Variants in SC5D observed in about 807,000 individuals in gnomAD.
SC5D encodes lathosterol oxidase.
In SC5D, 21 loss-of-function variants were observed where a neutral mutation model predicts 23.9. That is an observed-to-expected ratio of 0.88 (90% CI 0.62 to 1.26). The LOEUF (loss-of-function observed/expected upper bound fraction) is 1.26, where lower values mean the gene tolerates loss of function less well. Ranked by LOEUF, SC5D falls within the 50% of genes most tolerant of loss-of-function variation. The pLI, the probability that SC5D is intolerant of heterozygous loss-of-function variation, is 0.00. For synonymous variants in SC5D, 113 were observed against 125.9 expected, an observed-to-expected ratio of 0.90 and a Z score of 0.68; for missense variants, 309 against 364.8, an observed-to-expected ratio of 0.85 and a Z score of 1.25.
Position 121,303,527 on chromosome 11 carries a change from C to T in SC5D, c.152C>T (p.Thr51Ile), listed in dbSNP as rs1947940804. Residue 51 changes from threonine to isoleucine, a missense_variant, in exon 2 of 5, where the codon ACA becomes ATA. By Grantham distance (89) the Thr-to-Ile change is moderately conservative (BLOSUM62 -1). Transcript: ENST00000264027. The stretch of plus-strand genomic sequence containing the variant: ...TACATCCTTTATTTCTTCTGTGCAA[C>T]ACTGAGCTATTATTTTGTCTTCGAT... ...GAYILYFFCA[T>I]LSYYFVFDHA... 1.9e-6 allele frequency: 3 copies of T among 1,613,864 alleles called. No homozygotes were observed. In the South Asian group the frequency reaches 3.3e-5, roughly 18 times the overall value.
intron 1 of SC5D, among the ~76,000 whole-genome samples, chr11:121,300,680 A>G (rs1243443898): frequency 6.6e-6 from 1 of 152,210 alleles, no homozygotes; most frequent in Non-Finnish European, 1.5e-5. Context: ...ATCTAGAATG[A>G]TTCCCATGAG....
intron 3 of SC5D, 22 bp downstream of exon 3, chr11:121,304,515 C>A: frequency 6.2e-7 from 1 of 1,610,152 alleles, no homozygotes; most frequent in South Asian, 1.1e-5. Flanking sequence ...ACACGAGTGT[C>A]AGGAAGAGAG....
chr11:121,302,387 A>G (rs956775746), intron 1 of SC5D, among the ~76,000 whole-genome samples: 2 of 152,232 alleles, frequency 1.3e-5, no homozygotes, highest in Non-Finnish European at 2.9e-5. Context: ...TGAGTCGATC[A>G]TAAATGATAG....
At chr11:121,299,115 A>G (rs1255040234) in intron 1 of SC5D, among the ~76,000 whole-genome samples, 1 of 152,274 alleles carries the variant, frequency 6.6e-6, no homozygotes, top group African/African-American at 2.4e-5. Context: ...AATGATGACT[A>G]TATTGTGAAC....
Position 121,312,758 on chromosome 11 carries a change from A to C in SC5D, c.*5246A>C, listed in dbSNP as rs1267895964. Among the ~76,000 whole-genome samples, 1 of 151,940 alleles carries C rather than the reference A, an allele frequency of 6.6e-6. No homozygotes were observed. The highest frequency in any genetic ancestry group is 1.5e-5 in the Non-Finnish European group (1 of 67,948). On this transcript the variant is annotated 3_prime_UTR_variant, in exon 5 of 5. Coordinates refer to ENST00000264027, the MANE Select transcript of SC5D (RefSeq NM_006918.5). ...CCTATCTCTAAAAATAAAAAAGTAT[A>C]TATATATAAAAATATCTTCCTCTAT...
chr11:121,301,278 A>G (rs1947924070), intron 1 of SC5D, among the ~76,000 whole-genome samples: 1 of 151,646 alleles, frequency 6.6e-6, no homozygotes, highest in African/African-American at 2.4e-5. Context: ...CTTCCCAAGT[A>G]GAGAATATCA....
At chr11:121,296,917 A>G (rs2134262751) in intron 1 of SC5D, among the ~76,000 whole-genome samples, 1 of 152,368 alleles carries the variant, frequency 6.6e-6, no homozygotes, top group South Asian at 2.1e-4. Flanking sequence ...TAAAGATACT[A>G]AAAACTCAGT....
At chr11:121,306,288 TC>T in intron 3 of SC5D, 97 bp from the exon 4 acceptor site, 1 of 714,928 alleles carries the variant, frequency 1.4e-6, no homozygotes. Context: ...AATGTTTGAG[TC>T]TAGGATCCCA....
At position 121,307,322 on chromosome 11, in the gene SC5D, A is replaced by T. The variant is rs745655742; in HGVS notation, c.710A>T (p.Asp237Val). 1 of 1,614,124 alleles carries T rather than the reference A, an allele frequency of 6.2e-7. No individual in the cohort carries two copies. The highest frequency in any genetic ancestry group is 2.2e-5 in the East Asian group (1 of 44,890). ...AHHTDHHMFF[D>V]YNYGQYFTLW... ...CATACAGACCACCATATGTTCTTTGACTATAATTATGGACAATATTTCACT... is the reference window on the plus strand; with the variant it reads ...CATACAGACCACCATATGTTCTTTGTCTATAATTATGGACAATATTTCACT... Residue 237 changes from aspartate to valine, a missense_variant, in exon 5 of 5, where the codon GAC becomes GTC. Transcript: ENST00000264027.
In SC5D at chr11:121,307,123, A is replaced by G. The variant is rs139637037; in HGVS notation, c.511A>G (p.Ile171Val). 2 of 1,613,996 alleles carry G rather than the reference A, an allele frequency of 1.2e-6. No individual in the cohort carries two copies. The highest frequency in any genetic ancestry group is 1.7e-6 in the Non-Finnish European group (2 of 1,179,990). The change falls in exon 5 of 5, where the codon ATT becomes GTT. Residue 171 changes from isoleucine (I) to valine (V), a missense_variant. Physicochemically the swap from Ile to Val is conservative, Grantham distance 29. Coordinates refer to ENST00000264027, the MANE Select transcript of SC5D (RefSeq NM_006918.5). ...ATTTGCAAGTCATGCTTTTCACCCTATTGATGGCTTTCTTCAGAGTCTACC... is the reference window on the plus strand; with the variant it reads ...ATTTGCAAGTCATGCTTTTCACCCTGTTGATGGCTTTCTTCAGAGTCTACC... ...TPFASHAFHPIDGFLQSLPYH... is the reference protein window; with the variant it reads ...TPFASHAFHPVDGFLQSLPYH...
rs532550115 is a variant in SC5D at position 121,312,140 on chromosome 11, A to T, written c.*4628A>T. ...TAAGGCCAGTCTACAAGGTTTGTAG[A>T]TAAAATAGAAACATACCTTCCTTGA... On this transcript the variant is annotated 3_prime_UTR_variant, in exon 5 of 5. Transcript: ENST00000264027. Among the ~76,000 whole-genome samples the T allele has an allele frequency of 2.6e-5, 4 of 152,316 alleles. No individual in the cohort carries two copies. The South Asian group carries it at 8.3e-4, about 32-fold the overall frequency.
intron 2 of SC5D, 76 bp from the exon 3 acceptor site, chr11:121,304,285 A>G (rs970792745): frequency 2.2e-6 from 3 of 1,375,242 alleles, no homozygotes; most frequent in Admixed American, 1.7e-5. Flanking sequence ...TTAAAAATCC[A>G]GTCCAGAACA....
Position 121,308,715 on chromosome 11 carries a change from G to C in SC5D, c.*1203G>C, listed in dbSNP as rs1371008990. The stretch of plus-strand genomic sequence containing the variant: ...AATTTGAAGCCACAGAAATGATGTG[G>C]ATTGTTAATTGTGTTTTAGAACATC... On this transcript the variant is annotated 3_prime_UTR_variant, in exon 5 of 5. Transcript: ENST00000264027. 6.6e-6 allele frequency: 1 copy of C among 152,642 alleles called. No homozygotes were observed. Among genetic ancestry groups the C allele is most frequent in the Non-Finnish European group, 1.5e-5 (1 of 68,038 alleles). 9.5% of individuals were successfully genotyped at this position (152,642 alleles called of 1,614,324 possible). A position where few individuals can be genotyped will look rare whatever the true frequency, so the allele number is the denominator to read the frequency against.
chr11:121,306,380 T>C lies in SC5D; in HGVS notation c.344-6T>C. The C allele has an allele frequency of 1.4e-6, 2 of 1,429,320 alleles. No individual in the cohort carries two copies. The highest frequency in any genetic ancestry group is 2.0e-6 in the Non-Finnish European group (2 of 1,012,874). 88.5% of individuals were successfully genotyped at this position (1,429,320 alleles called of 1,614,324 possible). ...TGATTCTTCTGTTTCCCGTTTTCTT[T>C]TCTAGGATTGTTTGAACTTGTCGTT... On this transcript the variant is annotated splice_region_variant and splice_polypyrimidine_tract_variant and intron_variant, in intron 3 of 4. Coordinates refer to ENST00000264027, the MANE Select transcript of SC5D (RefSeq NM_006918.5).
At chr11:121,300,811 T>C (rs1947921116) in intron 1 of SC5D, among the ~76,000 whole-genome samples, 1 of 152,184 alleles carries the variant, frequency 6.6e-6, no homozygotes, top group Non-Finnish European at 1.5e-5. Flanking sequence ...AACTAAAGTA[T>C]TGAAAGCATG....
rs1441728113 is a variant in SC5D at position 121,311,320 on chromosome 11, T to A, written c.*3808T>A. ...TGCTGTCTTTTTGGCCAACCATTTT[T>A]TTATCATTTATTCATTAGCTGACAT... On this transcript the variant is annotated 3_prime_UTR_variant, in exon 5 of 5. Coordinates refer to ENST00000264027, the MANE Select transcript of SC5D (RefSeq NM_006918.5). Among the ~76,000 whole-genome samples the A allele has an allele frequency of 6.6e-6, 1 of 152,236 alleles. No homozygotes were observed. The highest frequency in any genetic ancestry group is 2.4e-5 in the African/African-American group (1 of 41,464).
chr11:121,295,251 T>C (rs1947880919), intron 1 of SC5D, among the ~76,000 whole-genome samples: 1 of 152,208 alleles, frequency 6.6e-6, no homozygotes, highest in South Asian at 2.1e-4. Context: ...GGACACAGTT[T>C]GCTTTTATAC....
At chr11:121,294,188 GTATT>G (rs1487022678) in intron 1 of SC5D, among the ~76,000 whole-genome samples, 4 of 152,164 alleles carry the variant, frequency 2.6e-5, no homozygotes, top group East Asian at 1.9e-4. Context: ...CAAGGACAAA[GTATT>G]TAAGTTTCTG....
intron 3 of SC5D, 160 bp downstream of exon 3, chr11:121,304,653 A>G: frequency 1.6e-6 from 1 of 642,086 alleles, no homozygotes. Context: ...GTCTTGCCAC[A>G]TGTGCATTTC....
Sources: gnomAD v4.1 joint callset for allele counts (sites outside exome capture counted in the v4.1 genomes callset) on GRCh38, gnomAD v4.1.1 for gene constraint, MANE v1.5 for transcripts, NCBI Gene and HGNC (gene_info 2026-07-23, HGNC 2026-07-21) for gene names.